The following NLRP9 variants were observed in gnomAD, a reference collection of about 807,000 sequenced individuals.
The protein encoded by NLRP9 is NACHT, LRR and PYD domains-containing protein 9.
In NLRP9, 88 loss-of-function variants were observed where a neutral mutation model predicts 83.1. The ratio of observed to expected loss-of-function variants is 1.06; its 90% CI spans 0.89 to 1.26. NLRP9 has a LOEUF of 1.26. Among genes scored for constraint, NLRP9 ranks in the 50% most tolerant of loss-of-function variants. The probability of loss-of-function intolerance (pLI) is 0.00; values close to 1 mark genes in which losing one functional copy is unlikely to be tolerated. For synonymous variants in NLRP9, 521 were observed against 447.6 expected, an observed-to-expected ratio of 1.16 and a Z score of -2.07; for missense variants, 1,308 against 1,179.3, an observed-to-expected ratio of 1.11 and a Z score of -1.60.
At position 55,732,698 on chromosome 19, in the gene NLRP9, G is replaced by T. The variant is rs1600142149; in HGVS notation, c.1133C>A (p.Ala378Glu). The T allele has an allele frequency of 6.2e-7, 1 of 1,614,106 alleles. No individual in the cohort carries two copies. The highest frequency in any genetic ancestry group is 1.6e-4 in the Middle Eastern group (1 of 6,062). ...YASFLTTVFK[A>E]GSQSFPPKVN... is the part of the protein sequence containing the mutation. ...CTTAGGTGGAAAACTCTGACTTCCT[G>T]CTTTGAATACAGTTGTTAAAAAGGA... is the stretch of plus-strand genomic sequence containing the variant. Residue 378 changes from alanine to glutamate, a missense_variant, in exon 2 of 9, where the codon GCA becomes GAA. Coordinates refer to ENST00000332836, the MANE Select transcript of NLRP9 (RefSeq NM_176820.4).
chr19:55,708,923 C>T lies in NLRP9; in HGVS notation c.2965G>A (p.Val989Met). 6 of 1,547,138 alleles carry T rather than the reference C, an allele frequency of 3.9e-6. No individual in the cohort carries two copies. The highest frequency in any genetic ancestry group is 4.3e-6 in the Non-Finnish European group (5 of 1,155,726). The change falls in exon 9 of 9, where the codon GTG becomes ATG. Residue 989 changes from valine to methionine, a missense_variant. Transcript: ENST00000332836. ...WIDEEYKIRG[V>M]LL ...CAGGGTGTTCCCCATCAGAGGAGCA[C>T]ACCCCTGATCTTGTATTCCTCGTCA...
chr19:55,716,919 A>C (rs1391253454), intron 4 of NLRP9, 21 bp from the exon 5 acceptor site: 22 of 1,606,074 alleles, frequency 1.4e-5, no homozygotes, highest in Non-Finnish European at 1.9e-5. Flanking sequence ...AACACACACC[A>C]TGAGACGGAC....
At chr19:55,721,629 T>C (rs1988228075) in intron 4 of NLRP9, among the ~76,000 whole-genome samples, 1 of 152,104 alleles carries the variant, frequency 6.6e-6, no homozygotes, top group South Asian at 2.1e-4. Context: ...CATTACTGGG[T>C]ATTTAGCAGC....
intron 1 of NLRP9, chr19:55,737,615 G>A: frequency 6.1e-6 from 1 of 163,546 alleles, no homozygotes; most frequent in South Asian, 1.5e-4. Context: ...AAAAAGGACA[G>A]GCAGTTAGGC....
chr19:55,734,542 T>TAC lies in NLRP9; in HGVS notation c.281-994_281-993dup, dbSNP rs1555796280. Among the ~76,000 whole-genome samples the TAC allele has an allele frequency of 4.8e-3, 720 of 148,548 alleles. 1 individual carries two copies. Among genetic ancestry groups the TAC allele is most frequent in the Non-Finnish European group, 8.8e-3 (590 of 67,296 alleles). On this transcript the variant is annotated intron_variant, in intron 1 of 8. Transcript: ENST00000332836. ...ACACACACACATATATATATATATATACATATATACGCACACACATATATA... is the reference window on the plus strand; with the variant it reads ...ACACACACACATATATATATATATATACACATATATACGCACACACATATATA...
intron 4 of NLRP9, among the ~76,000 whole-genome samples, chr19:55,719,019 T>G (rs1166307778): frequency 6.6e-6 from 1 of 152,152 alleles, no homozygotes; most frequent in African/African-American, 2.4e-5. Flanking sequence ...TTAAATTAGG[T>G]GAGAGTCAGA....
intron 1 of NLRP9, among the ~76,000 whole-genome samples, chr19:55,735,336 C>T (rs1449669082): frequency 2.2e-5 from 3 of 136,268 alleles, no homozygotes; most frequent in African/African-American, 8.4e-5. Context: ...CCGGTAATCC[C>T]AGCGCTTTGG....
At chr19:55,721,611 G>T (rs1568598185) in intron 4 of NLRP9, among the ~76,000 whole-genome samples, 2 of 152,224 alleles carry the variant, frequency 1.3e-5, no homozygotes, top group South Asian at 2.1e-4. Context: ...TTGGGGAGCT[G>T]TCCTGTACAT....
Position 55,724,134 on chromosome 19 carries a change from C to G in NLRP9, c.2005G>C (p.Val669Leu), listed in dbSNP as rs772313523. Reference sequence around the variant, plus strand: ...AATTCTGAATCATGTCCAAAGTACACAGAAGTAAATCTGCAAAAGATTAAA... The same window carrying G: ...AATTCTGAATCATGTCCAAAGTACAGAGAAGTAAATCTGCAAAAGATTAAA... ...CKLRKLIFTS[V>L]YFGHDSELFK... The change falls in exon 4 of 9, where the codon GTG becomes CTG. Residue 669 changes from valine to leucine, a missense_variant. By Grantham distance (32) the Val-to-Leu change is conservative (BLOSUM62 1). Transcript: ENST00000332836. The G allele has an allele frequency of 5.9e-5, 95 of 1,605,358 alleles. No homozygotes were observed. The highest frequency in any genetic ancestry group is 7.3e-5 in the Non-Finnish European group (86 of 1,175,824).
Position 55,732,593 on chromosome 19 carries a change from C to G in NLRP9, c.1238G>C (p.Gly413Ala), listed in dbSNP as rs1384348437. 1.9e-6 allele frequency: 3 copies of G among 1,614,190 alleles called. No homozygotes were observed. The highest frequency in any genetic ancestry group is 2.5e-6 in the Non-Finnish European group (3 of 1,180,038). ...AGATAACCCATTCCTCCGGAGATCC[C>G]CATGGGAAAATACAAATGTATATGT... ...IWTYTFVFSH[G>A]DLRRNGLSES... Residue 413 changes from glycine (G) to alanine (A), a missense_variant, in exon 2 of 9, where the codon GGG (glycine) becomes GCG (alanine). Gly to Ala is a moderately conservative substitution (Grantham distance 60). Coordinates refer to ENST00000332836, the MANE Select transcript of NLRP9 (RefSeq NM_176820.4).
rs1051389549 is a variant in NLRP9 at position 55,729,917 on chromosome 19, G to A, written c.1908C>T (p.Asp636=). Residue 636 remains aspartate, a synonymous_variant, in exon 3 of 9, where the codon GAC becomes GAT. Coordinates refer to ENST00000332836, the MANE Select transcript of NLRP9 (RefSeq NM_176820.4). ...GATCATCGAGGCTGGTATTTTCCAT[G>A]TCTAAAATCTGGAAGTTCTTGTTGG... ...FITNKNFQIL[D]MENTSLDDPS... 6 of 1,613,280 alleles carry A rather than the reference G, an allele frequency of 3.7e-6. No homozygotes were observed. The highest frequency in any genetic ancestry group is 2.2e-5 in the South Asian group (2 of 91,072).
chr19:55,711,623 G>T (rs1244788674), intron 8 of NLRP9, 177 bp downstream of exon 8: 3 of 877,036 alleles, frequency 3.4e-6, no homozygotes, highest in African/African-American at 1.7e-5. Flanking sequence ...AATGTTGCTT[G>T]ACATCTTACA....
At chr19:55,716,410 C>A (rs1308298558) in intron 5 of NLRP9, among the ~76,000 whole-genome samples, 1 of 151,942 alleles carries the variant, frequency 6.6e-6, no homozygotes, top group Non-Finnish European at 1.5e-5. Flanking sequence ...GGGCATGCGC[C>A]ACCACACCCA....
chr19:55,720,699 C>A, intron 4 of NLRP9, among the ~76,000 whole-genome samples: 1 of 152,184 alleles, frequency 6.6e-6, no homozygotes, highest in East Asian at 1.9e-4. Flanking sequence ...TAAAGAATCT[C>A]TCTTAATTCA....
intron 5 of NLRP9, among the ~76,000 whole-genome samples, chr19:55,716,344 C>T (rs1043175964): frequency 1.3e-5 from 2 of 151,170 alleles, no homozygotes; most frequent in African/African-American, 4.9e-5. Flanking sequence ...CTGCAACCTC[C>T]ACCTCCTGGG....
At position 55,712,495 on chromosome 19, in the gene NLRP9, T is replaced by C; in HGVS notation, c.2597A>G (p.Asn866Ser). 2.5e-6 allele frequency: 4 copies of C among 1,612,704 alleles called. No individual in the cohort carries two copies. The highest frequency in any genetic ancestry group is 3.4e-6 in the Non-Finnish European group (4 of 1,179,796). The change falls in exon 7 of 9, where the codon AAT becomes AGT. Residue 866 changes from asparagine to serine, a missense_variant. Physicochemically the swap from Asn to Ser is conservative, Grantham distance 46. Coordinates refer to ENST00000332836, the MANE Select transcript of NLRP9 (RefSeq NM_176820.4). ...GKLKTLKLGHNEIGDTGVRQL... is the reference protein window; with the variant it reads ...GKLKTLKLGHSEIGDTGVRQL... ...TCTGACACCAGTGTCTCCTATTTCATTATGCCCAAGTTTCAGGGTCTTCAG... is the reference window on the plus strand; with the variant it reads ...TCTGACACCAGTGTCTCCTATTTCACTATGCCCAAGTTTCAGGGTCTTCAG...
intron 1 of NLRP9, among the ~76,000 whole-genome samples, chr19:55,735,097 C>T (rs1988750704): frequency 6.6e-6 from 1 of 152,152 alleles, no homozygotes; most frequent in Non-Finnish European, 1.5e-5. Context: ...GCCCTACAGT[C>T]GCTCACAGGA....
chr19:55,710,215 CATTATT>C (rs764876859), intron 8 of NLRP9, among the ~76,000 whole-genome samples: 22 of 152,042 alleles, frequency 1.4e-4, no homozygotes, highest in Admixed American at 2.6e-4. Context: ...AGAAGGGAGA[CATTATT>C]ATTATTATTT....
rs184915412 is a variant in NLRP9 at position 55,721,506 on chromosome 19, C to T, written c.2159+2474G>A. Among the ~76,000 whole-genome samples, 3 of 152,170 alleles carry T rather than the reference C, an allele frequency of 2.0e-5. No individual in the cohort carries two copies. The East Asian group carries it at 5.8e-4, about 29-fold the overall frequency. On this transcript the variant is annotated intron_variant, in intron 4 of 8. Transcript: ENST00000332836. Reference sequence around the variant, plus strand: ...CATTCTGTTTTAGCCAAGCTGACCCCCTCCCACCACCAGAAGAGAAGCATC... The same window carrying T: ...CATTCTGTTTTAGCCAAGCTGACCCTCTCCCACCACCAGAAGAGAAGCATC...
Sources: gnomAD v4.1 joint callset for allele counts (sites outside exome capture counted in the v4.1 genomes callset) on GRCh38, gnomAD v4.1.1 for gene constraint, MANE v1.5 for transcripts, NCBI Gene and HGNC (gene_info 2026-07-23, HGNC 2026-07-21) for gene names.